Variants in NRXN3 observed in about 807,000 individuals in gnomAD.
NRXN3 encodes the protein neurexin III.
NRXN3 carries 32 observed loss-of-function variants against 137.6 expected under a neutral mutation model. The ratio of observed to expected loss-of-function variants is 0.23; its 90% confidence interval spans 0.18 to 0.31. The LOEUF (loss-of-function observed/expected upper bound fraction) is 0.31. NRXN3 is among the 10% of genes least tolerant of loss of function. NRXN3 has a pLI of 1.00. For missense variants in NRXN3, 1,574 were observed against 2,062.5 expected, an observed-to-expected ratio of 0.76 and a Z score of 4.59; for synonymous variants, 798 against 784.5, an observed-to-expected ratio of 1.02 and a Z score of -0.29.
At chr14:79,780,835 T>G (rs907656382) in intron 19 of NRXN3, among the ~76,000 whole-genome samples, 1 of 152,186 alleles carries the variant, frequency 6.6e-6, no homozygotes, top group South Asian at 2.1e-4. Flanking sequence ...AGACTTCCAT[T>G]CAGGATCTTG....
chr14:79,818,095 C>A (rs2099257929), intron 20 of NRXN3, among the ~76,000 whole-genome samples: 1 of 145,158 alleles, frequency 6.9e-6, no homozygotes, highest in Non-Finnish European at 1.5e-5. Flanking sequence ...TCGCTGTCAC[C>A]CAGGCTGGAG....
At chr14:78,686,009 T>A (rs772792603) in intron 6 of NRXN3, among the ~76,000 whole-genome samples, 4 of 151,938 alleles carry the variant, frequency 2.6e-5, no homozygotes, top group Non-Finnish European at 5.9e-5. Context: ...AGAATAAGCC[T>A]CCACCCTATC....
At chr14:79,352,365 T>G (rs2093252089) in intron 15 of NRXN3, among the ~76,000 whole-genome samples, 1 of 152,280 alleles carries the variant, frequency 6.6e-6, no homozygotes, top group East Asian at 1.9e-4. Context: ...AACTGAAGAA[T>G]AAACCCTAGG....
At chr14:79,235,196 G>A (rs74067924) in intron 15 of NRXN3, among the ~76,000 whole-genome samples, 3,131 of 152,158 alleles carry the variant, frequency 0.021, 100 homozygotes, top group African/African-American at 0.071. Flanking sequence ...GTGAAAGACA[G>A]CATACCTATA....
chr14:78,982,663 C>T (rs2099492387), intron 14 of NRXN3, among the ~76,000 whole-genome samples: 1 of 152,064 alleles, frequency 6.6e-6, no homozygotes, highest in Non-Finnish European at 1.5e-5. Flanking sequence ...ATTAAAGATT[C>T]AAATGTTAGA....
At chr14:78,316,920 G>C (rs1175783652) in intron 4 of NRXN3, among the ~76,000 whole-genome samples, 1 of 152,136 alleles carries the variant, frequency 6.6e-6, no homozygotes, top group African/African-American at 2.4e-5. Flanking sequence ...GTGAGAGAGA[G>C]TAACACTCTT....
chr14:78,820,247 T>C (rs1001374089), intron 10 of NRXN3, among the ~76,000 whole-genome samples: 1 of 148,926 alleles, frequency 6.7e-6, no homozygotes, highest in African/African-American at 2.4e-5. Flanking sequence ...TATACATATA[T>C]ATATATATAA....
chr14:78,418,148 C>G (rs1341673064), intron 4 of NRXN3, among the ~76,000 whole-genome samples: 1 of 152,116 alleles, frequency 6.6e-6, no homozygotes, highest in Non-Finnish European at 1.5e-5. Context: ...TAGGCAAGGG[C>G]ATAGAGATAT....
intron 17 of NRXN3, among the ~76,000 whole-genome samples, chr14:79,667,580 A>G (rs1199660091): frequency 6.6e-6 from 1 of 152,114 alleles, no homozygotes; most frequent in Non-Finnish European, 1.5e-5. Context: ...AAACAGAATG[A>G]AAATAGTTCT....
At chr14:78,622,454 C>T (rs966782074) in intron 4 of NRXN3, among the ~76,000 whole-genome samples, 1 of 152,120 alleles carries the variant, frequency 6.6e-6, no homozygotes, top group African/African-American at 2.4e-5. Flanking sequence ...ACTACAGATC[C>T]ATTTCACTAT....
chr14:79,496,343 G>A (rs1245097826), intron 16 of NRXN3, among the ~76,000 whole-genome samples: 1 of 151,796 alleles, frequency 6.6e-6, no homozygotes, highest in Non-Finnish European at 1.5e-5. Flanking sequence ...TGTCTGATCT[G>A]ATCAAAGAGT....
chr14:79,495,720 T>C (rs2096759741), intron 16 of NRXN3, among the ~76,000 whole-genome samples: 1 of 152,144 alleles, frequency 6.6e-6, no homozygotes, highest in African/African-American at 2.4e-5. Flanking sequence ...TGCTCAAAGT[T>C]GCACAGCTAG....
intron 16 of NRXN3, among the ~76,000 whole-genome samples, chr14:79,490,565 C>G (rs2096707012): frequency 6.6e-6 from 1 of 151,126 alleles, no homozygotes; most frequent in African/African-American, 2.4e-5. Flanking sequence ...AAGCCAAGCA[C>G]AGAGAGACAA....
At chr14:79,506,555 A>G (rs900221220) in intron 16 of NRXN3, among the ~76,000 whole-genome samples, 6 of 152,182 alleles carry the variant, frequency 3.9e-5, no homozygotes, top group African/African-American at 1.4e-4. Context: ...ATAAGACCCT[A>G]AAGCCTTCAT....
intron 16 of NRXN3, among the ~76,000 whole-genome samples, chr14:79,474,899 C>G (rs536524968): frequency 1.4e-3 from 214 of 152,172 alleles, no homozygotes; most frequent in African/African-American, 4.8e-3. Context: ...ATAGCCATGA[C>G]CATCACCACC....
At chr14:78,490,840 G>GACC (rs2095652792) in intron 4 of NRXN3, among the ~76,000 whole-genome samples, 1 of 152,156 alleles carries the variant, frequency 6.6e-6, no homozygotes, top group Non-Finnish European at 1.5e-5. Flanking sequence ...TAGGTAACTT[G>GACC]TCCTAGGTCA....
At chr14:78,983,464 T>G (rs145895849) in intron 14 of NRXN3, among the ~76,000 whole-genome samples, 67 of 152,312 alleles carry the variant, frequency 4.4e-4, no homozygotes, top group Middle Eastern at 3.4e-3. Flanking sequence ...CATTTGCTCA[T>G]TTTTTGATTG....
At chr14:78,415,947 T>C (rs1454852419) in intron 4 of NRXN3, among the ~76,000 whole-genome samples, 1 of 151,968 alleles carries the variant, frequency 6.6e-6, no homozygotes, top group African/African-American at 2.4e-5. Context: ...ATGTTCATGG[T>C]CTAATCTCCA....
At chr14:78,462,596 T>C (rs1183183173) in intron 4 of NRXN3, among the ~76,000 whole-genome samples, 1 of 152,250 alleles carries the variant, frequency 6.6e-6, no homozygotes, top group African/African-American at 2.4e-5. Flanking sequence ...CTTAATTTAT[T>C]TACTTGTTAA....
Sources: allele counts gnomAD v4.1 joint callset (sites outside exome capture counted in the v4.1 genomes callset), GRCh38; gene constraint gnomAD v4.1.1; transcripts MANE v1.5; gene names NCBI Gene and HGNC (gene_info 2026-07-23, HGNC 2026-07-21).